Variants in RNF144B observed in about 807,000 individuals in gnomAD.
RNF144B encodes ring finger protein 144B, also known as E3 ubiquitin-protein ligase RNF144B.
Under a neutral mutation model 40.2 loss-of-function variants are expected in RNF144B, and 25 were observed. The observed-to-expected ratio is 0.62, with a 90% confidence interval of 0.45 to 0.87. The LOEUF is 0.87. Ranked by LOEUF, RNF144B falls within the 40% of genes least tolerant of loss-of-function variation. The pLI, the probability that RNF144B is intolerant of heterozygous loss-of-function variation, is 0.00. For missense variants in RNF144B, 365 were observed against 373.7 expected, an observed-to-expected ratio of 0.98 and a Z score of 0.19; for synonymous variants, 145 against 136.3, an observed-to-expected ratio of 1.06 and a Z score of -0.44.
chr6:18,434,369 G>A lies in RNF144B; in HGVS notation c.271-5315G>A, dbSNP rs1053923412. On this transcript the variant is annotated intron_variant, in intron 3 of 7. Coordinates refer to ENST00000259939, the MANE Select transcript of RNF144B (RefSeq NM_182757.4). The surrounding 1 kb of genome is among the most constrained non-coding windows in gnomAD (Gnocchi z 4.1). ...TTTTTGCTTTGTTTTTTTCTGAGAGGGGGTAAGGTCAGTGTTAGTGTAGAT... is the reference window on the plus strand; with the variant it reads ...TTTTTGCTTTGTTTTTTTCTGAGAGAGGGTAAGGTCAGTGTTAGTGTAGAT... 2.6e-5 allele frequency among the ~76,000 whole-genome samples: 4 copies of A among 152,014 alleles called. No homozygotes were observed. Among genetic ancestry groups the A allele is most frequent in the African/African-American group, 9.7e-5 (4 of 41,358 alleles).
chr6:18,428,875 T>G (rs1005260942), intron 3 of RNF144B, among the ~76,000 whole-genome samples: 3 of 152,296 alleles, frequency 2.0e-5, no homozygotes, highest in African/African-American at 7.2e-5. Flanking sequence ...GCTTTCTGAC[T>G]GCCATAATTA....
Position 18,450,488 on chromosome 6 carries a change from G to T in RNF144B, c.332-6667G>T, listed in dbSNP as rs1759188112. 1.3e-5 allele frequency among the ~76,000 whole-genome samples: 2 copies of T among 152,024 alleles called. No individual in the cohort carries two copies. Among genetic ancestry groups the T allele is most frequent in the South Asian group, 2.1e-4 (1 of 4,822 alleles). On this transcript the variant is annotated intron_variant, in intron 4 of 7. Coordinates refer to ENST00000259939, the MANE Select transcript of RNF144B (RefSeq NM_182757.4). The surrounding 1 kb of genome is among the most constrained non-coding windows in gnomAD (Gnocchi z 4.7). ...AATTTTGTATTTTTTAGTAGAGAAG[G>T]TGTTTTCACTATGTTGGCCAGGCTG...
intron 2 of RNF144B, among the ~76,000 whole-genome samples, chr6:18,411,481 A>ATTTTTTTTTTT (rs1795036839): frequency 3.6e-5 from 1 of 27,908 alleles, no homozygotes; most frequent in Non-Finnish European, 8.6e-5. Context: ...ATATATATAT[A>ATTTTTTTTTTT]TATATATATA....
chr6:18,389,329 CA>C (rs1176720330), intron 1 of RNF144B, among the ~76,000 whole-genome samples: 2 of 152,110 alleles, frequency 1.3e-5, no homozygotes, highest in African/African-American at 2.4e-5. Context: ...CCAAACTCTA[CA>C]GCAGAGAGAA....
In RNF144B at chr6:18,446,921, A is replaced by G. The variant is rs996222831; in HGVS notation, c.331+7177A>G. Among the ~76,000 whole-genome samples the G allele has an allele frequency of 3.3e-5, 5 of 151,804 alleles. No individual in the cohort carries two copies. The highest frequency in any genetic ancestry group is 1.2e-4 in the African/African-American group (5 of 41,314). On this transcript the variant is annotated intron_variant, in intron 4 of 7. Transcript: ENST00000259939. This position sits in a 1 kb window ranked among gnomAD's most constrained non-coding sequence, Gnocchi z 4.7. ...GTTGGCTCAACAAATATGTCAGGAC[A>G]TCTCCATGACGGTAAATTATCCAAT...
chr6:18,436,532 A>G (rs1165190115), intron 3 of RNF144B, among the ~76,000 whole-genome samples: 1 of 152,168 alleles, frequency 6.6e-6, no homozygotes, highest in Non-Finnish European at 1.5e-5. Context: ...AGTTGGGGGA[A>G]TGGCATTTGG....
At chr6:18,435,553 A>C (rs1721631099) in intron 3 of RNF144B, among the ~76,000 whole-genome samples, 1 of 152,222 alleles carries the variant, frequency 6.6e-6, no homozygotes, top group Non-Finnish European at 1.5e-5. Flanking sequence ...TACAAAAATT[A>C]GTGGGCAAAG....
chr6:18,415,203 G>C (rs1242967299), intron 2 of RNF144B, among the ~76,000 whole-genome samples: 1 of 152,074 alleles, frequency 6.6e-6, no homozygotes, highest in South Asian at 2.1e-4. Flanking sequence ...ATCTGAGGAC[G>C]GGGGGCTGAC....
intron 2 of RNF144B, among the ~76,000 whole-genome samples, chr6:18,409,282 G>A (rs892978813): frequency 2.7e-5 from 4 of 147,098 alleles, no homozygotes; most frequent in African/African-American, 1.0e-4. Flanking sequence ...GGAGGCTGAG[G>A]CATGAGAACT....
rs7769023 is a variant in RNF144B at position 18,450,689 on chromosome 6, A to G, written c.332-6466A>G. Among the ~76,000 whole-genome samples the G allele has an allele frequency of 0.12, 19,017 of 152,240 alleles. 1,366 individuals are homozygous for G. The highest frequency in any genetic ancestry group is 0.19 in the Admixed American group (2,954 of 15,276). On this transcript the variant is annotated intron_variant, in intron 4 of 7. Transcript: ENST00000259939. The surrounding 1 kb of genome is among the most constrained non-coding windows in gnomAD (Gnocchi z 4.7). Reference sequence around the variant, plus strand: ...ACTGAACTTGGAGTTGGAAAGAGACACAATTGGTTCTCATGAGCTGGCAAG... The same window carrying G: ...ACTGAACTTGGAGTTGGAAAGAGACGCAATTGGTTCTCATGAGCTGGCAAG...
In RNF144B at chr6:18,458,776, G is replaced by C. The variant is rs771988901; in HGVS notation, c.537-831G>C. Among the ~76,000 whole-genome samples the C allele has an allele frequency of 2.5e-4, 38 of 152,272 alleles. No individual in the cohort carries two copies. The highest frequency in any genetic ancestry group is 3.9e-4 in the East Asian group (2 of 5,184). ...AGTGTTTCAGATCTCAGTGTTTTCA[G>C]ATTTTGAAATATTTTCATGATATGT... On this transcript the variant is annotated intron_variant, in intron 5 of 7. Transcript: ENST00000259939. This position sits in a 1 kb window ranked among gnomAD's most constrained non-coding sequence, Gnocchi z 4.8.
At position 18,457,521 on chromosome 6, in the gene RNF144B, A is replaced by C. The variant is rs1467322839; in HGVS notation, c.536+162A>C. ...TCTCAGAATTGGTAAGTTGCCAACA[A>C]AAAAGCATTTCTAGTTGTTTGCCCC... On this transcript the variant is annotated intron_variant, in intron 5 of 7. Transcript: ENST00000259939. The surrounding 1 kb of genome is among the most constrained non-coding windows in gnomAD (Gnocchi z 5.1). Among the ~76,000 whole-genome samples the C allele has an allele frequency of 6.6e-6, 1 of 152,182 alleles. No homozygotes were observed. Among genetic ancestry groups the C allele is most frequent in the Non-Finnish European group, 1.5e-5 (1 of 68,024 alleles).
At chr6:18,427,231 G>C (rs982651619) in intron 2 of RNF144B, among the ~76,000 whole-genome samples, 1 of 151,154 alleles carries the variant, frequency 6.6e-6, no homozygotes, top group Admixed American at 6.7e-5. Flanking sequence ...AGGACCACTA[G>C]GTAAAAATGG....
At chr6:18,391,926 C>T (rs991510576) in intron 1 of RNF144B, among the ~76,000 whole-genome samples, 19 of 146,330 alleles carry the variant, frequency 1.3e-4, no homozygotes, top group Non-Finnish European at 6.0e-5. Context: ...GGGCCAGGCG[C>T]GGTGACTTAC....
chr6:18,426,325 C>T (rs1262597033), intron 2 of RNF144B, among the ~76,000 whole-genome samples: 2 of 152,130 alleles, frequency 1.3e-5, no homozygotes, highest in African/African-American at 4.8e-5. Context: ...AACATTTGAA[C>T]TTGACTTTTT....
Position 18,398,474 on chromosome 6 carries a change from T to C in RNF144B, c.-36-1025T>C, listed in dbSNP as rs1234696225. 2.0e-5 allele frequency among the ~76,000 whole-genome samples: 3 copies of C among 152,156 alleles called. No homozygotes were observed. On this transcript the variant is annotated intron_variant, in intron 1 of 7. Coordinates refer to ENST00000259939, the MANE Select transcript of RNF144B (RefSeq NM_182757.4). The surrounding 1 kb of genome is among the most constrained non-coding windows in gnomAD (Gnocchi z 5.0). ...GCAACCTCTGCCTCCTGGGTTCAAG[T>C]GATTCTCCCGCCTCAGCCTCCTGAG... is the stretch of plus-strand genomic sequence containing the variant.
In RNF144B at chr6:18,420,137, C is replaced by CAGT. The variant is rs373908472; in HGVS notation, c.166-7440_166-7438dup. Among the ~76,000 whole-genome samples, 317 of 137,844 alleles carry CAGT rather than the reference C, an allele frequency of 2.3e-3. 2 individuals carry two copies. The highest frequency in any genetic ancestry group is 0.018 in the Middle Eastern group (5 of 282). 90.4% of individuals were successfully genotyped at this position (137,844 alleles called of 152,430 possible). On this transcript the variant is annotated intron_variant, in intron 2 of 7. Coordinates refer to ENST00000259939, the MANE Select transcript of RNF144B (RefSeq NM_182757.4). ...TCTCCTTATCTGAAATGCTTGGGAC[C>CAGT]AGTAGTGTTTCGGGTTTCTGATTTT...
chr6:18,395,771 A>C lies in RNF144B; in HGVS notation c.-36-3728A>C, dbSNP rs1349845694. ...AGGGGACTGGCTCTGGACACCCACTATTGGGTGCTGGCACTTGTCTACCTG... is the reference window on the plus strand; with the variant it reads ...AGGGGACTGGCTCTGGACACCCACTCTTGGGTGCTGGCACTTGTCTACCTG... On this transcript the variant is annotated intron_variant, in intron 1 of 7. Transcript: ENST00000259939. This position sits in a 1 kb window ranked among gnomAD's most constrained non-coding sequence, Gnocchi z 4.5. Among the ~76,000 whole-genome samples the C allele has an allele frequency of 6.6e-6, 1 of 152,096 alleles. No homozygotes were observed. Among genetic ancestry groups the C allele is most frequent in the East Asian group, 1.9e-4 (1 of 5,186 alleles).
At position 18,412,341 on chromosome 6, in the gene RNF144B, A is replaced by G. The variant is rs1485861128; in HGVS notation, c.165+12642A>G. ...TCCATACTTCCTCTTTTTAGGAGGA[A>G]GCAAATTGTTGTAAGAGAAGCTCAT... On this transcript the variant is annotated intron_variant, in intron 2 of 7. Transcript: ENST00000259939. This position sits in a 1 kb window ranked among gnomAD's most constrained non-coding sequence, Gnocchi z 4.2. Among the ~76,000 whole-genome samples the G allele has an allele frequency of 6.6e-6, 1 of 152,204 alleles. No individual in the cohort carries two copies. The highest frequency in any genetic ancestry group is 1.5e-5 in the Non-Finnish European group (1 of 68,038).
Sources: gnomAD v4.1 joint callset for allele counts (sites outside exome capture counted in the v4.1 genomes callset) on GRCh38, gnomAD v4.1.1 for gene constraint, Gnocchi (gnomAD v3.1) non-coding constraint, MANE v1.5 for transcripts, NCBI Gene and HGNC (gene_info 2026-07-23, HGNC 2026-07-21) for gene names.